DNAAF4: variants seen among roughly 807,000 people sequenced by gnomAD.
The protein encoded by DNAAF4 is dynein assembly factor 4, axonemal.
DNAAF4 carries 43 observed loss-of-function variants against 51.8 expected under a neutral mutation model. That is an observed-to-expected ratio of 0.83 (90% CI 0.65 to 1.07). The LOEUF is 1.07. Ranked by LOEUF, DNAAF4 falls within the 50% of genes least tolerant of loss-of-function variation. The pLI, the probability that DNAAF4 is intolerant of heterozygous loss-of-function variation, is 0.00. For synonymous variants in DNAAF4, 194 were observed against 165.6 expected, an observed-to-expected ratio of 1.17 and a Z score of -1.32; for missense variants, 581 against 493.0, an observed-to-expected ratio of 1.18 and a Z score of -1.69.
intron 5 of DNAAF4, among the ~76,000 whole-genome samples, chr15:55,463,402 C>T (rs933276045): frequency 6.6e-6 from 1 of 152,064 alleles, no homozygotes; most frequent in Non-Finnish European, 1.5e-5. Flanking sequence ...CTTTCACCAA[C>T]ACTATTTAAC....
At chr15:55,469,369 T>C (rs913238865) in intron 4 of DNAAF4, among the ~76,000 whole-genome samples, 3 of 148,344 alleles carry the variant, frequency 2.0e-5, no homozygotes, top group Admixed American at 6.8e-5. Flanking sequence ...AAAAACAGAG[T>C]GTACAGAGAA....
chr15:55,427,785 G>C (rs750004011), downstream of DNAAF4, among the ~76,000 whole-genome samples: 1 of 151,540 alleles, frequency 6.6e-6, no homozygotes, highest in Non-Finnish European at 1.5e-5. Flanking sequence ...ACAGGAAAGC[G>C]CCACCAGGTC....
At chr15:55,459,903 C>T (rs1347149224) in intron 5 of DNAAF4, among the ~76,000 whole-genome samples, 1 of 151,960 alleles carries the variant, frequency 6.6e-6, no homozygotes, top group Non-Finnish European at 1.5e-5. Context: ...AGAGTTTCAC[C>T]ATGTTGGCCT....
chr15:55,459,990 C>A (rs757213447), intron 5 of DNAAF4, among the ~76,000 whole-genome samples: 144 of 151,940 alleles, frequency 9.5e-4, no homozygotes, highest in African/African-American at 2.9e-3. Context: ...GCGTGAGCCA[C>A]TGCGCCTAGC....
At chr15:55,475,266 C>T (rs1188185885) in intron 4 of DNAAF4, among the ~76,000 whole-genome samples, 3 of 152,090 alleles carry the variant, frequency 2.0e-5, no homozygotes, top group African/African-American at 7.2e-5. Flanking sequence ...TGGCAATTCC[C>T]CTCCACAAAT....
chr15:55,433,844 AT>A (rs1316220465), intron 8 of DNAAF4, among the ~76,000 whole-genome samples: 6 of 68,806 alleles, frequency 8.7e-5, no homozygotes, highest in Admixed American at 7.5e-4. Context: ...TATATTATAT[AT>A]TATATATATT....
At chr15:55,431,465 ATATTT>A (rs2057493345) in intron 9 of DNAAF4, among the ~76,000 whole-genome samples, 1 of 149,650 alleles carries the variant, frequency 6.7e-6, no homozygotes, top group Non-Finnish European at 1.5e-5. Context: ...AATCATTTAT[ATATTT>A]TATCTTTTTT....
chr15:55,433,895 T>TAAAA (rs2057548173), intron 8 of DNAAF4, among the ~76,000 whole-genome samples: 4 of 45,738 alleles, frequency 8.7e-5, no homozygotes, highest in Non-Finnish European at 1.5e-4. Context: ...TATATATATA[T>TAAAA]TATATATATT....
At chr15:55,458,127 G>A (rs1297606951) in intron 5 of DNAAF4, among the ~76,000 whole-genome samples, 1 of 152,076 alleles carries the variant, frequency 6.6e-6, no homozygotes, top group Non-Finnish European at 1.5e-5. Flanking sequence ...GACAATACAA[G>A]GTTCTGTAAC....
chr15:55,418,362 A>C (rs1595881450), intron 7 of DNAAF4: 1 of 1,538,642 alleles, frequency 6.5e-7, no homozygotes. Flanking sequence ...TCACTATCAA[A>C]ACCTCAAATG....
intron 6 of DNAAF4, chr15:55,442,961 T>C (rs2057737840): frequency 6.2e-7 from 1 of 1,611,376 alleles, no homozygotes; most frequent in African/African-American, 1.3e-5. Context: ...ACCATCCTTT[T>C]CTCAACGTCA....
intron 5 of DNAAF4, among the ~76,000 whole-genome samples, chr15:55,459,277 G>C (rs2058061845): frequency 1.3e-5 from 2 of 152,086 alleles, no homozygotes; most frequent in Non-Finnish European, 2.9e-5. Context: ...CCAGAGGCGA[G>C]ATAAAGTCTT....
chr15:55,477,675 C>T (rs199999723), intron 4 of DNAAF4, among the ~76,000 whole-genome samples: 1 of 143,970 alleles, frequency 6.9e-6, no homozygotes, highest in African/African-American at 2.6e-5. Context: ...TATATATATA[C>T]ATATATACAC....
chr15:55,441,915 G>C (rs1443934061), intron 6 of DNAAF4, among the ~76,000 whole-genome samples: 1 of 152,142 alleles, frequency 6.6e-6, no homozygotes, highest in Non-Finnish European at 1.5e-5. Flanking sequence ...AGATTCATGT[G>C]TTCAGATACA....
intron 4 of DNAAF4, among the ~76,000 whole-genome samples, chr15:55,479,010 G>C (rs1284978437): frequency 6.6e-6 from 1 of 151,904 alleles, no homozygotes; most frequent in Non-Finnish European, 1.5e-5. Context: ...TGGTTTTCAT[G>C]AAAACCACCC....
chr15:55,488,677 G>T (rs942441035), intron 4 of DNAAF4, among the ~76,000 whole-genome samples: 2 of 152,178 alleles, frequency 1.3e-5, no homozygotes, highest in African/African-American at 4.8e-5. Flanking sequence ...TTGTGGAACA[G>T]GATACTGGCT....
rs1000851824 is a variant in DNAAF4 at position 55,477,867 on chromosome 15, A to C, written c.406-10706T>G. 2.6e-5 allele frequency among the ~76,000 whole-genome samples: 4 copies of C among 151,344 alleles called. No homozygotes were observed. The Admixed American group carries it at 2.7e-4, about 10-fold the overall frequency. ...GATCATTTAAGGTCAGGAATTTGAG[A>C]TCCATCTGGCCAACATGGTGAAAAC... On this transcript the variant is annotated intron_variant, in intron 4 of 9. Coordinates refer to ENST00000321149, the MANE Select transcript of DNAAF4 (RefSeq NM_130810.4).
At chr15:55,490,760 C>T (rs921458935) in intron 4 of DNAAF4, among the ~76,000 whole-genome samples, 4 of 152,046 alleles carry the variant, frequency 2.6e-5, no homozygotes, top group South Asian at 2.1e-4. Flanking sequence ...GAGACCATCC[C>T]GGCTAACACG....
intron 5 of DNAAF4, among the ~76,000 whole-genome samples, chr15:55,461,225 C>T (rs891202692): frequency 3.8e-4 from 58 of 151,994 alleles, no homozygotes; most frequent in African/African-American, 1.3e-3. Context: ...CCCCCCACCA[C>T]GCCTGGCTAA....
Sources: allele counts gnomAD v4.1 joint callset (sites outside exome capture counted in the v4.1 genomes callset), GRCh38; gene constraint gnomAD v4.1.1; transcripts MANE v1.5; gene names NCBI Gene and HGNC (gene_info 2026-07-23, HGNC 2026-07-21).